Variants in CNTN3 observed in about 807,000 individuals in gnomAD.
CNTN3 encodes contactin-3.
CNTN3 carries 60 observed loss-of-function variants against 119.1 expected under a neutral mutation model. The observed-to-expected ratio is 0.50, with a 90% CI of 0.41 to 0.62. The LOEUF is 0.62. Among genes scored for constraint, CNTN3 ranks in the 20% least tolerant of loss-of-function variants. The pLI is 0.00. For synonymous variants in CNTN3, 450 were observed against 438.7 expected (o/e 1.03, Z -0.32); for missense variants, 1,101 against 1,242.4 (o/e 0.89, Z 1.71).
At chr3:74,554,987 T>C (rs1704047517) in intron 1 of CNTN3, among the ~76,000 whole-genome samples, 1 of 152,228 alleles carries the variant, frequency 6.6e-6, no homozygotes, top group South Asian at 2.1e-4. Context: ...CCTTGTCTTG[T>C]GCCGGTTTTC....
chr3:74,506,116 C>A (rs1348288701), intron 2 of CNTN3, among the ~76,000 whole-genome samples: 1 of 152,102 alleles, frequency 6.6e-6, no homozygotes, highest in Non-Finnish European at 1.5e-5. Context: ...CCTAAGGAAA[C>A]ACAAAAATGT....
In CNTN3 at chr3:74,309,805, G is replaced by A. The variant is rs78814580; in HGVS notation, c.1669-6998C>T. Among the ~76,000 whole-genome samples the A allele has an allele frequency of 7.0e-3, 1,064 of 152,198 alleles. 10 individuals carry two copies. Among genetic ancestry groups the A allele is most frequent in the African/African-American group, 0.021 (863 of 41,530 alleles). On this transcript the variant is annotated intron_variant, in intron 13 of 22. Coordinates refer to ENST00000263665, the MANE Select transcript of CNTN3 (RefSeq NM_020872.3). Reference sequence around the variant, plus strand: ...CTGTATACTGCTGAACTCATAAGCCGAAAGCAATACTCTATTTTCACCTTG... The same window carrying A: ...CTGTATACTGCTGAACTCATAAGCCAAAAGCAATACTCTATTTTCACCTTG...
At chr3:74,592,545 C>T (rs1704721667) in intron 1 of CNTN3, among the ~76,000 whole-genome samples, 1 of 151,760 alleles carries the variant, frequency 6.6e-6, no homozygotes, top group African/African-American at 2.4e-5. Flanking sequence ...AAGAGGAACA[C>T]CAGCACTTTT....
intron 1 of CNTN3, among the ~76,000 whole-genome samples, chr3:74,544,914 A>G: frequency 6.6e-6 from 1 of 152,148 alleles, no homozygotes; most frequent in East Asian, 1.9e-4. Context: ...TCTCTTGCAC[A>G]ATAAGATGGG....
At chr3:74,401,051 G>A (rs1301178814) in intron 5 of CNTN3, among the ~76,000 whole-genome samples, 3 of 152,176 alleles carry the variant, frequency 2.0e-5, no homozygotes, top group Non-Finnish European at 4.4e-5. Context: ...GTAAGAAGAG[G>A]AGGGAAGAAA....
intron 5 of CNTN3, among the ~76,000 whole-genome samples, chr3:74,412,902 G>A (rs1260354279): frequency 6.6e-6 from 1 of 152,084 alleles, no homozygotes; most frequent in Non-Finnish European, 1.5e-5. Flanking sequence ...GAATAATGTA[G>A]ACTGGCTATC....
chr3:74,527,932 C>T (rs921576868), intron 1 of CNTN3, among the ~76,000 whole-genome samples: 4 of 151,894 alleles, frequency 2.6e-5, no homozygotes, highest in African/African-American at 9.7e-5. Context: ...CTGTCTAATG[C>T]TTTTCCAAGG....
At chr3:74,346,720 G>A (rs578124420) in intron 11 of CNTN3, among the ~76,000 whole-genome samples, 8 of 150,448 alleles carry the variant, frequency 5.3e-5, no homozygotes, top group South Asian at 2.1e-4. Context: ...CACTTCACTC[G>A]ACATCTCATT....
At chr3:74,467,258 G>C (rs1309913736) in intron 4 of CNTN3, among the ~76,000 whole-genome samples, 1 of 151,952 alleles carries the variant, frequency 6.6e-6, no homozygotes, top group Non-Finnish European at 1.5e-5. Context: ...TAAAAAATAA[G>C]AGTTATTTTA....
intron 4 of CNTN3, among the ~76,000 whole-genome samples, chr3:74,432,640 T>C (rs1701803112): frequency 6.6e-6 from 1 of 152,216 alleles, no homozygotes; most frequent in African/African-American, 2.4e-5. Context: ...CTTCCTGCCT[T>C]ATGGCACATG....
At chr3:74,571,443 C>T (rs1464705001) in intron 1 of CNTN3, among the ~76,000 whole-genome samples, 1 of 152,120 alleles carries the variant, frequency 6.6e-6, no homozygotes, top group African/African-American at 2.4e-5. Context: ...GAATTGGATC[C>T]CATCTCTACC....
intron 2 of CNTN3, among the ~76,000 whole-genome samples, chr3:74,518,362 A>C (rs2107117307): frequency 6.6e-6 from 1 of 152,108 alleles, no homozygotes. Flanking sequence ...GGATGATTTG[A>C]AATAAGTTTT....
chr3:74,319,560 A>T (rs1376819636), intron 13 of CNTN3, among the ~76,000 whole-genome samples: 1 of 152,110 alleles, frequency 6.6e-6, no homozygotes, highest in African/African-American at 2.4e-5. Flanking sequence ...AACCATAAAA[A>T]CCCTAGAAGA....
chr3:74,312,626 C>T (rs907500823), intron 13 of CNTN3, among the ~76,000 whole-genome samples: 1 of 152,024 alleles, frequency 6.6e-6, no homozygotes, highest in Non-Finnish European at 1.5e-5. Flanking sequence ...GTGAAGTTCA[C>T]AGTCTAGGGG....
At chr3:74,606,141 C>T (rs183151718) in intron 1 of CNTN3, among the ~76,000 whole-genome samples, 83 of 151,816 alleles carry the variant, frequency 5.5e-4, no homozygotes, top group African/African-American at 2.0e-3. Flanking sequence ...TTCAAAAACA[C>T]AACCAAAAGC....
chr3:74,468,815 G>A (rs774155775), intron 4 of CNTN3, among the ~76,000 whole-genome samples: 33 of 152,042 alleles, frequency 2.2e-4, no homozygotes, highest in Non-Finnish European at 4.6e-4. Flanking sequence ...CGTGACAGAT[G>A]AGTCTCCTCC....
intron 1 of CNTN3, among the ~76,000 whole-genome samples, chr3:74,555,783 T>C (rs542806307): frequency 2.0e-5 from 3 of 152,306 alleles, no homozygotes; most frequent in Non-Finnish European, 4.4e-5. Context: ...TTTTATTGCA[T>C]GTATTTGATT....
chr3:74,495,583 C>T (rs922379441), intron 3 of CNTN3, among the ~76,000 whole-genome samples: 2 of 151,966 alleles, frequency 1.3e-5, no homozygotes, highest in East Asian at 3.9e-4. Flanking sequence ...TAAACTCAGA[C>T]TTCCCTTCCT....
chr3:74,575,616 C>CACACACACACACACAT (rs1553682854), intron 1 of CNTN3, among the ~76,000 whole-genome samples: 1 of 150,788 alleles, frequency 6.6e-6, no homozygotes, highest in African/African-American at 2.4e-5. Flanking sequence ...AACACACACA[C>CACACACACACACACAT]ACACACACAC....
Sources: allele counts gnomAD v4.1 joint callset (sites outside exome capture counted in the v4.1 genomes callset), GRCh38; gene constraint gnomAD v4.1.1; transcripts MANE v1.5; gene names NCBI Gene and HGNC (gene_info 2026-07-23, HGNC 2026-07-21).